RGL4: variants seen among roughly 807,000 people sequenced by gnomAD.
RGL4 encodes the protein ral-GDS-related protein.
RGL4 carries 41 observed loss-of-function variants against 49.6 expected under a neutral mutation model. The ratio of observed to expected loss-of-function variants is 0.83; its 90% CI spans 0.64 to 1.07. The LOEUF is 1.07. RGL4 is among the 50% of genes least tolerant of loss of function. The pLI, the probability that RGL4 is intolerant of heterozygous loss-of-function variation, is 0.00. For synonymous variants in RGL4, 255 were observed against 238.0 expected, an observed-to-expected ratio of 1.07 and a Z score of -0.66; for missense variants, 610 against 591.9, an observed-to-expected ratio of 1.03 and a Z score of -0.32.
rs765676481 is a variant in RGL4 at position 23,698,989 on chromosome 22, G to C, written c.*106G>C. The C allele has an allele frequency of 6.4e-7, 1 of 1,559,094 alleles. No individual in the cohort carries two copies. Among genetic ancestry groups the C allele is most frequent in the Non-Finnish European group, 8.7e-7 (1 of 1,151,166 alleles). ...CGTAGACACCAGGGAACCACATCTAGGAGGCTGGCAGCTCAGCTGCATCTT... is the reference window on the plus strand; with the variant it reads ...CGTAGACACCAGGGAACCACATCTACGAGGCTGGCAGCTCAGCTGCATCTT... On this transcript the variant is annotated 3_prime_UTR_variant, in exon 11 of 11. Transcript: ENST00000290691.
At chr22:23,698,000 C>A in intron 9 of RGL4, 139 bp downstream of exon 9, 1 of 1,204,290 alleles carries the variant, frequency 8.3e-7, no homozygotes, top group Non-Finnish European at 1.2e-6. Context: ...AGGAGGGGAC[C>A]TATCCCAGGA....
chr22:23,697,359 C>T (rs1335495434), intron 8 of RGL4, 114 bp downstream of exon 8: 13 of 786,828 alleles, frequency 1.7e-5, no homozygotes, highest in Non-Finnish European at 2.3e-5. Context: ...CTCCTAAGAG[C>T]CTCACAGCTG....
chr22:23,692,061 G>C lies in RGL4; in HGVS notation c.31G>C (p.Ala11Pro). 6.2e-7 allele frequency: 1 copy of C among 1,614,114 alleles called. No individual in the cohort carries two copies. The highest frequency in any genetic ancestry group is 8.5e-7 in the Non-Finnish European group (1 of 1,180,020). The change falls in exon 1 of 11, where the codon GCT becomes CCT. Residue 11 changes from alanine to proline, a missense_variant. By Grantham distance (27) the Ala-to-Pro change is conservative. Coordinates refer to ENST00000290691, the MANE Select transcript of RGL4 (RefSeq NM_153615.2). MRKLLTNLPA[A>P]AVLSAQVYSA... ...GAAGCTGCTCACAAATCTGCCTGCA[G>C]CTGCAGTCTTGAGTGCCCAGGTGTA...
chr22:23,694,599 C>T (rs1354881155), intron 5 of RGL4, 149 bp downstream of exon 5: 4 of 645,542 alleles, frequency 6.2e-6, no homozygotes, highest in Non-Finnish European at 1.1e-5. Context: ...ACTAAGCTGC[C>T]CTGGACTCCT....
In RGL4 at chr22:23,691,207, C is replaced by T. The variant is rs756333915; in HGVS notation, c.-824C>T. 3.3e-5 allele frequency: 5 copies of T among 152,354 alleles called. No individual in the cohort carries two copies. Among genetic ancestry groups the T allele is most frequent in the Admixed American group, 1.3e-4 (2 of 15,304 alleles). The allele number at this position is 152,354 out of a possible 1,614,324, so 9.4% of individuals were successfully genotyped here. ...CTTTTCTCTTCCCCCTCACTTGAAGCAGCTCTCAGCATTCTGCCTCAATGG... is the reference window on the plus strand; with the variant it reads ...CTTTTCTCTTCCCCCTCACTTGAAGTAGCTCTCAGCATTCTGCCTCAATGG... On this transcript the variant is annotated 5_prime_UTR_variant, in exon 1 of 11. Coordinates refer to ENST00000290691, the MANE Select transcript of RGL4 (RefSeq NM_153615.2).
At chr22:23,696,314 TG>T in intron 6 of RGL4, 1 of 1,321,880 alleles carries the variant, frequency 7.6e-7, no homozygotes, top group Non-Finnish European at 9.8e-7. Flanking sequence ...TGCTCGTGCC[TG>T]GTTCTTCCTC....
Position 23,692,853 on chromosome 22 carries a change from A to G in RGL4, c.558A>G (p.Thr186=), listed in dbSNP as rs1923228796. 5.0e-6 allele frequency: 8 copies of G among 1,613,444 alleles called. No individual in the cohort carries two copies. Among genetic ancestry groups the G allele is most frequent in the South Asian group, 3.3e-5 (3 of 91,090 alleles). ...PAPGEGPPPG[T]VLEPQSAPES... Reference sequence around the variant, plus strand: ...CAGGGGAAGGGCCCCCTCCAGGGACAGTGCTGGAGCCACAGTCAGCCCCAG... The same window carrying G: ...CAGGGGAAGGGCCCCCTCCAGGGACGGTGCTGGAGCCACAGTCAGCCCCAG... The change falls in exon 3 of 11, where the codon ACA becomes ACG. Residue 186 remains threonine (T), a synonymous_variant. Transcript: ENST00000290691.
intron 6 of RGL4, among the ~76,000 whole-genome samples, chr22:23,696,139 G>A (rs1203530057): frequency 6.6e-6 from 1 of 152,200 alleles, no homozygotes; most frequent in Non-Finnish European, 1.5e-5. Flanking sequence ...AGCCGAGACG[G>A]AGCCTCCAGG....
At chr22:23,695,173 C>T (rs1019483816) in intron 6 of RGL4, 154 bp downstream of exon 6, 1 of 583,158 alleles carries the variant, frequency 1.7e-6, no homozygotes, top group African/African-American at 1.9e-5. Flanking sequence ...CCATGCCTAC[C>T]TTGGGCCAAC....
At position 23,698,345 on chromosome 22, in the gene RGL4, G is replaced by T. The variant is rs1195619279; in HGVS notation, c.1382+12G>T. On this transcript the variant is annotated intron_variant, in intron 10 of 10. Transcript: ENST00000290691. ...AGTGACAAAGAGAGGTGAGGGCCTAGCCCATGGGCTGAGGGTGGGAGAAGG... is the reference window on the plus strand; with the variant it reads ...AGTGACAAAGAGAGGTGAGGGCCTATCCCATGGGCTGAGGGTGGGAGAAGG... 1 of 1,595,734 alleles carries T rather than the reference G, an allele frequency of 6.3e-7. No individual in the cohort carries two copies. The highest frequency in any genetic ancestry group is 8.6e-7 in the Non-Finnish European group (1 of 1,166,172).
chr22:23,694,799 T>C (rs546977590), intron 5 of RGL4, 151 bp from the exon 6 acceptor site: 1 of 680,808 alleles, frequency 1.5e-6, no homozygotes, highest in East Asian at 2.5e-5. Flanking sequence ...GGTCCCACCC[T>C]GGTCCTCTGG....
chr22:23,695,220 G>A, intron 6 of RGL4: 1 of 522,198 alleles, frequency 1.9e-6, no homozygotes, highest in Non-Finnish European at 3.5e-6. Flanking sequence ...GCACGTGGGG[G>A]CATGGGGGCA....
intron 3 of RGL4, 78 bp from the exon 4 acceptor site, chr22:23,693,681 C>A: frequency 1.7e-6 from 2 of 1,182,436 alleles, no homozygotes; most frequent in Non-Finnish European, 2.5e-6. Flanking sequence ...TGACTGTGAG[C>A]TCAGTCCCTG....
chr22:23,692,126 T>C lies in RGL4; in HGVS notation c.96T>C (p.Cys32=), dbSNP rs370183067. ...AGGGCCTTTGGGAAGAGAATGTCTG[T>C]GGGACGCCAGGGCGCACGAGGGTCT... is the stretch of plus-strand genomic sequence containing the variant. The part of the protein sequence containing the change: ...VLQGLWEENV[C]GTPGRTRVCT... Residue 32 remains cysteine (C), a synonymous_variant, in exon 1 of 11, where the codon TGT becomes TGC. Coordinates refer to ENST00000290691, the MANE Select transcript of RGL4 (RefSeq NM_153615.2). 4 of 1,614,140 alleles carry C rather than the reference T, an allele frequency of 2.5e-6. No homozygotes were observed. Among genetic ancestry groups the C allele is most frequent in the South Asian group, 1.1e-5 (1 of 91,088 alleles).
intron 6 of RGL4, chr22:23,696,388 G>A: frequency 6.7e-7 from 1 of 1,483,020 alleles, no homozygotes; most frequent in Non-Finnish European, 9.0e-7. Flanking sequence ...GAGGCCCTGT[G>A]AGGTAGCTGT....
rs191633860 is a variant in RGL4, at chr22:23,692,358, A to G, written c.203A>G (p.Asn68Ser). ...GLRTITSILF[N>S]WPPENTSVYY... ...AGCACCATCACCTCCATTTTGTTCA[A>G]CTGGCCCCCCGAAAACACTTCAGTT... Residue 68 changes from asparagine (N) to serine (S), a missense_variant, in exon 2 of 11, where the codon AAC becomes AGC. Transcript: ENST00000290691. 19 of 1,614,102 alleles carry G rather than the reference A, an allele frequency of 1.2e-5. No homozygotes were observed. In the East Asian group the frequency reaches 1.8e-4, roughly 15 times the overall value.
In RGL4 at chr22:23,698,295, C is replaced by T. The variant is rs1923648091; in HGVS notation, c.1344C>T (p.Thr448=). 3 of 1,611,092 alleles carry T rather than the reference C, an allele frequency of 1.9e-6. No individual in the cohort carries two copies. Among genetic ancestry groups the T allele is most frequent in the Non-Finnish European group, 2.5e-6 (3 of 1,177,558 alleles). ...TTCGGCCTCTTGAGAAATTTGTCACCTATTTCACAAGAATGGAGCAGCTCA... is the reference window on the plus strand; with the variant it reads ...TTCGGCCTCTTGAGAAATTTGTCACTTATTTCACAAGAATGGAGCAGCTCA... ...YRLRPLEKFV[T]YFTRMEQLSD... The change falls in exon 10 of 11, where the codon ACC becomes ACT. Residue 448 remains threonine, a synonymous_variant. Transcript: ENST00000290691.
In RGL4 at chr22:23,698,288, T is replaced by G. The variant is rs145312479; in HGVS notation, c.1337T>G (p.Phe446Cys). 1.9e-6 allele frequency: 3 copies of G among 1,611,622 alleles called. No individual in the cohort carries two copies. The highest frequency in any genetic ancestry group is 2.5e-6 in the Non-Finnish European group (3 of 1,178,044). Residue 446 changes from phenylalanine (F) to cysteine (C), a missense_variant, in exon 10 of 11, where the codon TTT (phenylalanine) becomes TGT (cysteine). Phe to Cys is a radical substitution (Grantham distance 205). Coordinates refer to ENST00000290691, the MANE Select transcript of RGL4 (RefSeq NM_153615.2). ...TACAGGCTTCGGCCTCTTGAGAAATTTGTCACCTATTTCACAAGAATGGAG... is the reference window on the plus strand; with the variant it reads ...TACAGGCTTCGGCCTCTTGAGAAATGTGTCACCTATTTCACAAGAATGGAG... The part of the protein sequence containing the change: ...MNYRLRPLEK[F>C]VTYFTRMEQL...
At position 23,698,233 on chromosome 22, in the gene RGL4, A is replaced by T. The variant is rs1381914639; in HGVS notation, c.1282A>T (p.Met428Leu). The part of the protein sequence containing the change: ...RSKEVRVLQE[M>L]QLLQVAAMNY... ...CTAGGAGGTCCGAGTTCTGCAGGAA[A>T]TGCAGCTGCTCCAAGTGGCTGCCAT... Residue 428 changes from methionine to leucine, a missense_variant, in exon 10 of 11, where the codon ATG (methionine) becomes TTG (leucine). Transcript: ENST00000290691. The T allele has an allele frequency of 6.2e-7, 1 of 1,608,608 alleles. No homozygotes were observed. Among genetic ancestry groups the T allele is most frequent in the South Asian group, 1.1e-5 (1 of 90,976 alleles).
Sources: gnomAD v4.1 joint callset for allele counts (sites outside exome capture counted in the v4.1 genomes callset) on GRCh38, gnomAD v4.1.1 for gene constraint, MANE v1.5 for transcripts, NCBI Gene and HGNC (gene_info 2026-07-23, HGNC 2026-07-21) for gene names.